The following SH2D4A variants were observed in gnomAD, a reference collection of about 807,000 sequenced individuals.
SH2D4A encodes the protein SH2 domain-containing protein 4A.
A neutral mutation model predicts 64.7 loss-of-function variants in SH2D4A; 70 were observed. The ratio of observed to expected loss-of-function variants is 1.08; its 90% CI spans 0.89 to 1.32. The LOEUF is 1.32. Among genes scored for constraint, SH2D4A ranks in the 40% most tolerant of loss-of-function variants. The pLI, the probability that SH2D4A is intolerant of heterozygous loss-of-function variation, is 0.00. For missense variants in SH2D4A, 706 were observed against 540.1 expected, an observed-to-expected ratio of 1.31 and a Z score of -3.04; for synonymous variants, 268 against 200.7, an observed-to-expected ratio of 1.34 and a Z score of -2.83.
intron 4 of SH2D4A, among the ~76,000 whole-genome samples, chr8:19,348,006 A>G (rs1307329362): frequency 6.6e-6 from 1 of 152,152 alleles, no homozygotes; most frequent in Admixed American, 6.5e-5. Flanking sequence ...TTCTATAACA[A>G]CTAATGATCA....
At chr8:19,366,674 T>C (rs1279606099) in intron 7 of SH2D4A, among the ~76,000 whole-genome samples, 2 of 152,046 alleles carry the variant, frequency 1.3e-5, no homozygotes, top group Non-Finnish European at 2.9e-5. Flanking sequence ...CACCTGTAAT[T>C]CCAGCTACAC....
intron 1 of SH2D4A, among the ~76,000 whole-genome samples, chr8:19,317,544 G>A (rs935951110): frequency 6.6e-6 from 1 of 152,136 alleles, no homozygotes; most frequent in African/African-American, 2.4e-5. Flanking sequence ...AACAGTCAGC[G>A]AATCTAAGAG....
chr8:19,322,455 C>G (rs1299341107), intron 2 of SH2D4A, among the ~76,000 whole-genome samples: 1 of 152,114 alleles, frequency 6.6e-6, no homozygotes, highest in Non-Finnish European at 1.5e-5. Flanking sequence ...TAGGCCACCC[C>G]TGCCATTCCT....
intron 4 of SH2D4A, among the ~76,000 whole-genome samples, chr8:19,338,693 G>A (rs1387465411): frequency 3.3e-5 from 5 of 152,178 alleles, no homozygotes; most frequent in Non-Finnish European, 7.3e-5. Flanking sequence ...TGGAAGTCAC[G>A]CAGCTCTGTT....
chr8:19,332,721 C>A (rs1270456441), intron 2 of SH2D4A, among the ~76,000 whole-genome samples: 2 of 147,126 alleles, frequency 1.4e-5, no homozygotes, highest in African/African-American at 5.0e-5. Context: ...AAAGCACGGG[C>A]AAAAAACATA....
At chr8:19,388,852 TAAATA>T (rs1378930356) in intron 8 of SH2D4A, among the ~76,000 whole-genome samples, 2 of 152,094 alleles carry the variant, frequency 1.3e-5, no homozygotes, top group African/African-American at 4.8e-5. Context: ...TGTGTAAAAA[TAAATA>T]AGATGGAGTA....
intron 4 of SH2D4A, among the ~76,000 whole-genome samples, chr8:19,347,540 T>G (rs563517091): frequency 1.3e-5 from 2 of 152,328 alleles, no homozygotes; most frequent in South Asian, 2.1e-4. Flanking sequence ...CCTCTGTGTT[T>G]CTCCGCTTAT....
chr8:19,378,212 C>G (rs1365462730), intron 8 of SH2D4A, among the ~76,000 whole-genome samples: 2 of 152,104 alleles, frequency 1.3e-5, no homozygotes, highest in African/African-American at 4.8e-5. Flanking sequence ...TATATATTCT[C>G]CTAGTTTGTG....
intron 4 of SH2D4A, among the ~76,000 whole-genome samples, chr8:19,350,640 C>T (rs1026538981): frequency 6.6e-6 from 1 of 152,096 alleles, no homozygotes; most frequent in Admixed American, 6.5e-5. Flanking sequence ...CACACAACCA[C>T]GCCCAGCCCA....
chr8:19,357,483 C>A (rs2052811332), intron 5 of SH2D4A, among the ~76,000 whole-genome samples, 200 bp downstream of exon 5: 1 of 152,152 alleles, frequency 6.6e-6, no homozygotes, highest in South Asian at 2.1e-4. Flanking sequence ...ATGGAAAGAA[C>A]AGATGCCAAG....
At chr8:19,336,096 G>A (rs753426853) in intron 4 of SH2D4A, among the ~76,000 whole-genome samples, 16 of 152,138 alleles carry the variant, frequency 1.1e-4, no homozygotes, top group Non-Finnish European at 2.2e-4. Context: ...GCACACTGCT[G>A]AGTGTCTCAT....
chr8:19,378,018 T>TA (rs1444453708), intron 8 of SH2D4A, among the ~76,000 whole-genome samples: 1 of 152,230 alleles, frequency 6.6e-6, no homozygotes, highest in Non-Finnish European at 1.5e-5. Context: ...TGGAATCTTC[T>TA]TATTTTAATT....
intron 4 of SH2D4A, among the ~76,000 whole-genome samples, chr8:19,350,208 G>C (rs566751800): frequency 6.6e-6 from 1 of 152,108 alleles, no homozygotes; most frequent in Admixed American, 6.5e-5. Context: ...TCCTATTTCA[G>C]GCGTCTCCCT....
intron 1 of SH2D4A, among the ~76,000 whole-genome samples, chr8:19,316,164 G>A (rs1234433692): frequency 1.3e-5 from 2 of 152,186 alleles, no homozygotes; most frequent in African/African-American, 4.8e-5. Flanking sequence ...TGGCAGAATG[G>A]CCACATCGTC....
At chr8:19,316,333 A>G (rs2052087999) in intron 1 of SH2D4A, among the ~76,000 whole-genome samples, 1 of 152,222 alleles carries the variant, frequency 6.6e-6, no homozygotes. Context: ...AAATGGAAAT[A>G]ATGTGAGAAT....
intron 4 of SH2D4A, among the ~76,000 whole-genome samples, chr8:19,338,328 C>A (rs753001278): frequency 2.0e-5 from 3 of 152,138 alleles, no homozygotes; most frequent in Non-Finnish European, 2.9e-5. Flanking sequence ...AGGGGATAAA[C>A]AATCTATTTG....
chr8:19,352,333 A>G (rs895434174), intron 4 of SH2D4A, among the ~76,000 whole-genome samples: 1 of 152,174 alleles, frequency 6.6e-6, no homozygotes, highest in Non-Finnish European at 1.5e-5. Flanking sequence ...CTTTTGGCCA[A>G]TCAGATGGGG....
At position 19,333,078 on chromosome 8, in the gene SH2D4A, C is replaced by T; in HGVS notation, c.305C>T (p.Ala102Val). Residue 102 changes from alanine (A) to valine (V), a missense_variant, in exon 3 of 10, where the codon GCC becomes GTC. Transcript: ENST00000265807. ...TGTAATGAAATTATTGCTGAGAGGG[C>T]CCGGCTGAAAGCAGAACAGGAGGCA... Reference protein sequence around the residue: ...VLCNEIIAERARLKAEQEAEE... With the variant: ...VLCNEIIAERVRLKAEQEAEE... 1.2e-6 allele frequency: 2 copies of T among 1,613,686 alleles called. No homozygotes were observed. The highest frequency in any genetic ancestry group is 1.7e-6 in the Non-Finnish European group (2 of 1,179,916).
chr8:19,319,827 TC>T, intron 2 of SH2D4A, 99 bp downstream of exon 2: 1 of 1,300,184 alleles, frequency 7.7e-7, no homozygotes, highest in Non-Finnish European at 1.0e-6. Flanking sequence ...AGGTGCAAGT[TC>T]CAGTTTGGCA....
Sources: allele counts gnomAD v4.1 joint callset (sites outside exome capture counted in the v4.1 genomes callset), GRCh38; gene constraint gnomAD v4.1.1; transcripts MANE v1.5; gene names NCBI Gene and HGNC (gene_info 2026-07-23, HGNC 2026-07-21).